Variants in UNC5C observed in about 807,000 individuals in gnomAD.
The protein encoded by UNC5C is netrin receptor UNC5C.
UNC5C carries 47 observed loss-of-function variants against 99.8 expected under a neutral mutation model. The ratio of observed to expected loss-of-function variants is 0.47; its 90% CI spans 0.37 to 0.60. The LOEUF (loss-of-function observed/expected upper bound fraction) is 0.60. Among genes scored for constraint, UNC5C ranks in the 20% least tolerant of loss-of-function variants. The pLI is 0.00. For synonymous variants in UNC5C, 487 were observed against 452.2 expected, an observed-to-expected ratio of 1.08 and a Z score of -0.98; for missense variants, 1,062 against 1,165.9, an observed-to-expected ratio of 0.91 and a Z score of 1.30.
At chr4:95,366,489 T>A (rs1744575450) in intron 1 of UNC5C, among the ~76,000 whole-genome samples, 1 of 152,194 alleles carries the variant, frequency 6.6e-6, no homozygotes, top group Admixed American at 6.5e-5. Context: ...AATCCCAATC[T>A]CTTTCCTGGA....
rs146141307 is a variant in UNC5C, at chr4:95,354,133, C to G, written c.125-18502G>C. On this transcript the variant is annotated intron_variant, in intron 1 of 15. Coordinates refer to ENST00000453304, the MANE Select transcript of UNC5C (RefSeq NM_003728.4). ...TTTTTGAATCTGTTTCTTTCTGTTT[C>G]GGATTCCACTATTATCATCATTTTT... 2.6e-5 allele frequency among the ~76,000 whole-genome samples: 4 copies of G among 152,154 alleles called. No homozygotes were observed. In the East Asian group the frequency reaches 7.7e-4, roughly 29 times the overall value.
At chr4:95,522,249 A>G (rs1190803159) in intron 1 of UNC5C, among the ~76,000 whole-genome samples, 1 of 152,108 alleles carries the variant, frequency 6.6e-6, no homozygotes, top group African/African-American at 2.4e-5. Flanking sequence ...CCTATAAAAT[A>G]ATTTAAAATA....
At chr4:95,522,238 T>G (rs2149490634) in intron 1 of UNC5C, among the ~76,000 whole-genome samples, 1 of 152,194 alleles carries the variant, frequency 6.6e-6, no homozygotes, top group East Asian at 1.9e-4. Flanking sequence ...AAAATACCCT[T>G]CCTATAAAAT....
chr4:95,239,055 T>G (rs954156004), intron 7 of UNC5C, among the ~76,000 whole-genome samples: 1 of 152,218 alleles, frequency 6.6e-6, no homozygotes, highest in East Asian at 1.9e-4. Context: ...TCATTTATTA[T>G]TGCTGACTCT....
intron 7 of UNC5C, among the ~76,000 whole-genome samples, chr4:95,230,365 G>A (rs1362158288): frequency 6.6e-6 from 1 of 151,818 alleles, no homozygotes; most frequent in Non-Finnish European, 1.5e-5. Flanking sequence ...TGGATAGATT[G>A]CAAAAATTTT....
At chr4:95,385,653 G>A (rs1446305818) in intron 1 of UNC5C, among the ~76,000 whole-genome samples, 2 of 152,110 alleles carry the variant, frequency 1.3e-5, no homozygotes, top group Non-Finnish European at 2.9e-5. Flanking sequence ...TTTACTGATG[G>A]CTATCCATAC....
intron 1 of UNC5C, among the ~76,000 whole-genome samples, chr4:95,409,705 G>A (rs898866445): frequency 1.3e-5 from 2 of 152,106 alleles, no homozygotes; most frequent in African/African-American, 2.4e-5. Flanking sequence ...CATTGACCAG[G>A]CAAACTAAAT....
chr4:95,452,294 G>A (rs974973099), intron 1 of UNC5C, among the ~76,000 whole-genome samples: 6 of 151,978 alleles, frequency 3.9e-5, no homozygotes, highest in Non-Finnish European at 7.4e-5. Flanking sequence ...TCCCTAAAGA[G>A]CAGCATGAGA....
intron 1 of UNC5C, among the ~76,000 whole-genome samples, chr4:95,521,248 G>A (rs1264657620): frequency 3.1e-5 from 4 of 127,692 alleles, no homozygotes; most frequent in Admixed American, 1.9e-4. Context: ...GTGGAGTTTC[G>A]CTCTTGTTGC....
chr4:95,410,085 T>C (rs1034077693), intron 1 of UNC5C, among the ~76,000 whole-genome samples: 1 of 152,196 alleles, frequency 6.6e-6, no homozygotes, highest in East Asian at 1.9e-4. Context: ...TTGGGGTGTT[T>C]AGCATGCCAT....
chr4:95,546,928 G>A (rs1723085242), intron 1 of UNC5C, among the ~76,000 whole-genome samples: 1 of 151,700 alleles, frequency 6.6e-6, no homozygotes, highest in South Asian at 2.1e-4. Flanking sequence ...ACCGTGCCCC[G>A]TCCCCCTCTC....
chr4:95,483,142 A>G (rs930220320), intron 1 of UNC5C, among the ~76,000 whole-genome samples: 1 of 151,350 alleles, frequency 6.6e-6, no homozygotes, highest in Non-Finnish European at 1.5e-5. Flanking sequence ...TGGCTCTGGT[A>G]TATTAGACTG....
chr4:95,335,956 C>T (rs17434916), intron 1 of UNC5C, among the ~76,000 whole-genome samples: 1 of 151,814 alleles, frequency 6.6e-6, no homozygotes, highest in African/African-American at 2.4e-5. Context: ...CACTACATTT[C>T]CCATTATAGA....
chr4:95,248,600 C>T (rs549486470), intron 5 of UNC5C: 71 of 451,406 alleles, frequency 1.6e-4, no homozygotes, highest in Middle Eastern at 1.3e-3. Context: ...ATCTTGAGCC[C>T]GCTGTTTCTC....
At chr4:95,445,808 A>T (rs1344638539) in intron 1 of UNC5C, among the ~76,000 whole-genome samples, 1 of 152,154 alleles carries the variant, frequency 6.6e-6, no homozygotes, top group African/African-American at 2.4e-5. Flanking sequence ...AGGTGGAAGA[A>T]GTAAGTCTTC....
chr4:95,254,168 C>T (rs1362883957), intron 4 of UNC5C, among the ~76,000 whole-genome samples: 1 of 152,134 alleles, frequency 6.6e-6, no homozygotes, highest in East Asian at 1.9e-4. Context: ...CCAATTTTGA[C>T]TCTTTTTTTG....
chr4:95,487,843 A>G (rs952071905), intron 1 of UNC5C, among the ~76,000 whole-genome samples: 10 of 151,816 alleles, frequency 6.6e-5, no homozygotes, highest in Admixed American at 2.0e-4. Flanking sequence ...ATAAGGAAAT[A>G]GAAAGTATAC....
At chr4:95,478,595 G>A (rs1368526286) in intron 1 of UNC5C, among the ~76,000 whole-genome samples, 1 of 151,920 alleles carries the variant, frequency 6.6e-6, no homozygotes, top group Non-Finnish European at 1.5e-5. Context: ...TGATGTGTAT[G>A]TATCCCCACA....
chr4:95,254,923 T>C (rs1372098329), intron 4 of UNC5C, among the ~76,000 whole-genome samples: 2 of 152,158 alleles, frequency 1.3e-5, no homozygotes, highest in African/African-American at 2.4e-5. Flanking sequence ...CTGTCAATGC[T>C]CTCATCCCTT....
Sources: gnomAD v4.1 joint callset for allele counts (sites outside exome capture counted in the v4.1 genomes callset) on GRCh38, gnomAD v4.1.1 for gene constraint, MANE v1.5 for transcripts, NCBI Gene and HGNC (gene_info 2026-07-23, HGNC 2026-07-21) for gene names.